Variants in BBS9 observed in about 807,000 individuals in gnomAD.
The protein encoded by BBS9 is Bardet-Biedl syndrome 9, also known as protein PTHB1.
Under a neutral mutation model 117.7 loss-of-function variants are expected in BBS9, and 89 were observed. The observed-to-expected ratio is 0.76, with a 90% confidence interval of 0.64 to 0.90. The LOEUF is 0.90. Ranked by LOEUF, BBS9 falls within the 40% of genes least tolerant of loss-of-function variation. BBS9 has a pLI of 0.00. For missense variants in BBS9, 982 were observed against 1,042.2 expected, an observed-to-expected ratio of 0.94 and a Z score of 0.80; for synonymous variants, 379 against 370.9, an observed-to-expected ratio of 1.02 and a Z score of -0.25.
At chr7:33,420,316 T>G (rs184423562) in intron 19 of BBS9, among the ~76,000 whole-genome samples, 7 of 152,302 alleles carry the variant, frequency 4.6e-5, no homozygotes, top group Admixed American at 4.6e-4. Flanking sequence ...CCCTTCCAAA[T>G]GGCTTATCAG....
chr7:33,524,398 A>G, intron 20 of BBS9, among the ~76,000 whole-genome samples: 1 of 152,160 alleles, frequency 6.6e-6, no homozygotes, highest in Non-Finnish European at 1.5e-5. Flanking sequence ...TTTGGTTGGT[A>G]AACTATTGAT....
intron 9 of BBS9, among the ~76,000 whole-genome samples, chr7:33,294,922 C>T (rs1804942433): frequency 6.6e-6 from 1 of 152,164 alleles, no homozygotes; most frequent in African/African-American, 2.4e-5. Flanking sequence ...CAAATAGTCT[C>T]TTCTTTCCTA....
At chr7:33,244,704 G>A (rs1795067890) in intron 5 of BBS9, among the ~76,000 whole-genome samples, 1 of 152,034 alleles carries the variant, frequency 6.6e-6, no homozygotes, top group South Asian at 2.1e-4. Flanking sequence ...TTATAATAAG[G>A]CTTATTTTGC....
intron 17 of BBS9, among the ~76,000 whole-genome samples, chr7:33,370,706 T>C (rs1822695681): frequency 6.6e-6 from 1 of 152,190 alleles, no homozygotes; most frequent in South Asian, 2.1e-4. Context: ...CTTACGCTGC[T>C]TTCCTAAGGT....
At chr7:33,450,162 A>G (rs1837589473) in intron 19 of BBS9, among the ~76,000 whole-genome samples, 2 of 152,204 alleles carry the variant, frequency 1.3e-5, no homozygotes, top group South Asian at 2.1e-4. Flanking sequence ...TTCTCTTAGC[A>G]TAAGGTCCTC....
At chr7:33,516,487 C>CAAAAAA (rs61006845) in intron 20 of BBS9, among the ~76,000 whole-genome samples, 19 of 51,494 alleles carry the variant, frequency 3.7e-4, no homozygotes, top group East Asian at 1.2e-3. Context: ...ATTTCATCTC[C>CAAAAAA]AAAAAAAAAA....
At chr7:33,470,569 C>T (rs779253606) in intron 19 of BBS9, among the ~76,000 whole-genome samples, 6 of 152,064 alleles carry the variant, frequency 3.9e-5, no homozygotes, top group Non-Finnish European at 7.4e-5. Context: ...ACGATGCCAA[C>T]GATCAGTGAT....
chr7:33,187,470 A>G (rs1783311193), intron 5 of BBS9, among the ~76,000 whole-genome samples: 1 of 152,248 alleles, frequency 6.6e-6, no homozygotes, highest in Admixed American at 6.5e-5. Context: ...GGGCACTTTC[A>G]GGGACTGAAG....
intron 21 of BBS9, among the ~76,000 whole-genome samples, chr7:33,598,796 C>T: frequency 6.6e-6 from 1 of 152,162 alleles, no homozygotes. Context: ...TAAGATAAGA[C>T]ATCTGGCAGT....
At chr7:33,253,505 G>A (rs1438661778) in intron 5 of BBS9, among the ~76,000 whole-genome samples, 5 of 152,116 alleles carry the variant, frequency 3.3e-5, no homozygotes, top group South Asian at 2.1e-4. Flanking sequence ...TCAATTACTC[G>A]GGAGGCTGAG....
intron 7 of BBS9, among the ~76,000 whole-genome samples, chr7:33,268,364 C>T (rs899767365): frequency 5.3e-5 from 8 of 152,144 alleles, no homozygotes; most frequent in African/African-American, 1.9e-4. Context: ...TGTGGTTTCT[C>T]CAGACTCTGA....
At chr7:33,250,000 A>C (rs1235112216) in intron 5 of BBS9, among the ~76,000 whole-genome samples, 1 of 152,084 alleles carries the variant, frequency 6.6e-6, no homozygotes, top group Non-Finnish European at 1.5e-5. Context: ...ATTGTAATGC[A>C]GTTCTTTGAT....
At chr7:33,492,487 T>C (rs1585014340) in intron 19 of BBS9, among the ~76,000 whole-genome samples, 2 of 152,302 alleles carry the variant, frequency 1.3e-5, no homozygotes, top group East Asian at 3.9e-4. Context: ...TCTCTGTTTT[T>C]CCATACCTGT....
intron 9 of BBS9, among the ~76,000 whole-genome samples, chr7:33,325,999 T>TA (rs1227761503): frequency 2.0e-5 from 3 of 151,992 alleles, no homozygotes; most frequent in East Asian, 1.9e-4. Flanking sequence ...GGCTACCACT[T>TA]ACGTGTGGTC....
At chr7:33,513,428 C>A (rs1354526316) in intron 20 of BBS9, among the ~76,000 whole-genome samples, 1 of 152,060 alleles carries the variant, frequency 6.6e-6, no homozygotes, top group African/African-American at 2.4e-5. Context: ...ATTCTACATT[C>A]CCACAGAATT....
intron 21 of BBS9, among the ~76,000 whole-genome samples, chr7:33,625,143 A>G (rs1168721067): frequency 6.6e-6 from 1 of 152,126 alleles, no homozygotes; most frequent in Non-Finnish European, 1.5e-5. Context: ...TTTTTGTTTG[A>G]TTACCACCTG....
At chr7:33,290,236 A>G (rs1309280236) in intron 9 of BBS9, among the ~76,000 whole-genome samples, 1 of 152,088 alleles carries the variant, frequency 6.6e-6, no homozygotes, top group Non-Finnish European at 1.5e-5. Flanking sequence ...TTAGATAAAG[A>G]CCTCCACTTT....
At chr7:33,402,858 C>T (rs1025871502) in intron 19 of BBS9, among the ~76,000 whole-genome samples, 1 of 151,900 alleles carries the variant, frequency 6.6e-6, no homozygotes, top group Non-Finnish European at 1.5e-5. Flanking sequence ...TTCCTCCCCA[C>T]TCTTATATCG....
intron 9 of BBS9, 67 bp downstream of exon 9, chr7:33,274,023 T>G: frequency 6.5e-7 from 1 of 1,532,294 alleles, no homozygotes. Context: ...AGAAGTTCTA[T>G]GAAATAATGA....
Sources: allele counts gnomAD v4.1 joint callset (sites outside exome capture counted in the v4.1 genomes callset), GRCh38; gene constraint gnomAD v4.1.1; transcripts MANE v1.5; gene names NCBI Gene and HGNC (gene_info 2026-07-23, HGNC 2026-07-21).